Variants in MAF observed in about 807,000 individuals in gnomAD.
The protein encoded by MAF is transcription factor Maf.
In MAF, 10 loss-of-function variants were observed where a neutral mutation model predicts 22.0. That is an observed-to-expected ratio of 0.45 (90% CI 0.28 to 0.77). MAF has a LOEUF of 0.77. MAF is among the 30% of genes least tolerant of loss of function. The probability of loss-of-function intolerance (pLI) is 0.12; values close to 1 mark genes in which losing one functional copy is unlikely to be tolerated. For synonymous variants in MAF, 337 were observed against 255.8 expected (o/e 1.32, Z -3.03); for missense variants, 544 against 548.4 (o/e 0.99, Z 0.08).
chr16:79,574,083 T>G, the MAF span, among the ~76,000 whole-genome samples: 1 of 152,222 alleles, frequency 6.6e-6, no homozygotes, highest in Non-Finnish European at 1.5e-5. Context: ...GGCGTGAACT[T>G]CACGCTCACA....
chr16:79,487,276 T>C, the MAF span, among the ~76,000 whole-genome samples: 3,280 of 151,778 alleles, frequency 0.022, 127 homozygotes, highest in African/African-American at 0.076. Flanking sequence ...AACTAATCTA[T>C]GATGATAATA....
chr16:79,473,937 G>A, the MAF span, among the ~76,000 whole-genome samples: 1 of 152,270 alleles, frequency 6.6e-6, no homozygotes, highest in Non-Finnish European at 1.5e-5. Context: ...GGGATTGGGG[G>A]TTATGGTTTA....
the MAF span, among the ~76,000 whole-genome samples, chr16:79,481,335 G>C: frequency 6.6e-6 from 1 of 151,354 alleles, no homozygotes; most frequent in African/African-American, 2.4e-5. Flanking sequence ...GTTATTTATA[G>C]AGTTGTGCGA....
At chr16:79,598,598 G>GTGTA in intron 1 of MAF, 187 bp downstream of exon 1, 1 of 1,490,208 alleles carries the variant, frequency 6.7e-7, no homozygotes. Context: ...GTGTGTGTGT[G>GTGTA]TGTGTGTGTG....
chr16:79,318,652 G>C, the MAF span, among the ~76,000 whole-genome samples: 10 of 152,128 alleles, frequency 6.6e-5, no homozygotes, highest in Admixed American at 6.5e-4. Context: ...ATTTTCATTG[G>C]ATACATCCAT....
the MAF span, among the ~76,000 whole-genome samples, chr16:79,494,328 G>T: frequency 6.6e-6 from 1 of 152,178 alleles, no homozygotes; most frequent in Non-Finnish European, 1.5e-5. Flanking sequence ...CCATGCAGTT[G>T]TAGGACTGAG....
the MAF span, among the ~76,000 whole-genome samples, chr16:79,226,602 C>G: frequency 6.6e-6 from 1 of 151,806 alleles, no homozygotes; most frequent in Non-Finnish European, 1.5e-5. Flanking sequence ...GGGTATGATC[C>G]CATTTTTGTT....
chr16:79,369,230 T>C, the MAF span, among the ~76,000 whole-genome samples: 11 of 152,184 alleles, frequency 7.2e-5, no homozygotes, highest in African/African-American at 2.4e-4. Context: ...CATTAATAGA[T>C]CCATTAAATG....
chr16:79,551,399 A>G, the MAF span, among the ~76,000 whole-genome samples: 1 of 152,182 alleles, frequency 6.6e-6, no homozygotes, highest in Non-Finnish European at 1.5e-5. Flanking sequence ...GCAGAAGCGC[A>G]TGCCCTGTGG....
At chr16:79,569,738 T>G in the MAF span, among the ~76,000 whole-genome samples, 10 of 152,220 alleles carry the variant, frequency 6.6e-5, 1 homozygote, top group African/African-American at 2.4e-4. Context: ...ATTATTTAAT[T>G]GATCTGGGCT....
chr16:79,545,345 G>C, the MAF span, among the ~76,000 whole-genome samples: 1 of 152,148 alleles, frequency 6.6e-6, no homozygotes, highest in South Asian at 2.1e-4. Flanking sequence ...CTGCAGAACT[G>C]AGGGGGCCCA....
At chr16:79,387,159 C>T in the MAF span, among the ~76,000 whole-genome samples, 3 of 152,304 alleles carry the variant, frequency 2.0e-5, no homozygotes, top group South Asian at 2.1e-4. Context: ...CAGCAGCACA[C>T]AGCAATAGCA....
chr16:79,474,157 A>G, the MAF span, among the ~76,000 whole-genome samples: 1 of 152,104 alleles, frequency 6.6e-6, no homozygotes, highest in African/African-American at 2.4e-5. Flanking sequence ...GATAACCTAG[A>G]ATTATTTGTG....
the MAF span, among the ~76,000 whole-genome samples, chr16:79,258,551 T>C: frequency 1.3e-4 from 20 of 152,228 alleles, no homozygotes; most frequent in Non-Finnish European, 2.6e-4. Flanking sequence ...CTGTTTGTTC[T>C]CCTGAAGGTC....
At chr16:79,406,142 A>G in the MAF span, among the ~76,000 whole-genome samples, 1 of 143,528 alleles carries the variant, frequency 7.0e-6, no homozygotes, top group Non-Finnish European at 1.5e-5. Flanking sequence ...ACAGTGACCC[A>G]TCCATGGCCT....
the MAF span, among the ~76,000 whole-genome samples, chr16:79,452,660 C>A: frequency 1.3e-5 from 2 of 152,090 alleles, no homozygotes; most frequent in East Asian, 3.9e-4. Flanking sequence ...TCTATTTGGG[C>A]ACCTAGATTC....
the MAF span, among the ~76,000 whole-genome samples, chr16:79,423,312 G>C: frequency 1.3e-5 from 2 of 152,124 alleles, no homozygotes; most frequent in African/African-American, 4.8e-5. Context: ...AGAGGAGGTG[G>C]GAATGAATTT....
chr16:79,501,368 G>C, the MAF span, among the ~76,000 whole-genome samples: 421 of 152,144 alleles, frequency 2.8e-3, 2 homozygotes, highest in African/African-American at 1.0e-2. Flanking sequence ...AATTACATCT[G>C]CAACAACTTT....
chr16:79,284,787 A>G, the MAF span, among the ~76,000 whole-genome samples: 1 of 152,112 alleles, frequency 6.6e-6, no homozygotes, highest in African/African-American at 2.4e-5. Context: ...TGAGGGCTCA[A>G]CCTGAGAACA....
Sources: gnomAD v4.1 joint callset for allele counts (sites outside exome capture counted in the v4.1 genomes callset) on GRCh38, gnomAD v4.1.1 for gene constraint, MANE v1.5 for transcripts, NCBI Gene and HGNC (gene_info 2026-07-23, HGNC 2026-07-21) for gene names.